Variants in GPC3 observed in about 807,000 individuals in gnomAD.
GPC3 encodes the protein glypican-3.
Under a neutral mutation model 34.4 loss-of-function variants are expected in GPC3, and 3 were observed. The observed-to-expected ratio is 0.09, with a 90% CI of 0.04 to 0.23. GPC3 has a LOEUF of 0.23. Ranked by LOEUF, GPC3 falls within the 10% of genes least tolerant of loss-of-function variation. The pLI, the probability that GPC3 is intolerant of heterozygous loss-of-function variation, is 1.00. For synonymous variants in GPC3, 177 were observed against 174.0 expected (o/e 1.02, Z -0.13); for missense variants, 351 against 445.6 (o/e 0.79, Z 1.91).
At chrX:133,656,028 T>A (rs1471271907) in intron 6 of GPC3, among the ~76,000 whole-genome samples, 1 of 112,359 alleles carries the variant, frequency 8.9e-6, no homozygotes, top group African/African-American at 3.2e-5. Flanking sequence ...CTAGATTTTT[T>A]AATTATCTTT....
rs138474604 is a variant in GPC3, at chrX:133,769,125, G to C, written c.338-14949C>G. ...GAGAACATTATGCTAAATGAAATAAGCTAGACACAGAAGGACAAATACTAC... is the reference window on the plus strand; with the variant it reads ...GAGAACATTATGCTAAATGAAATAACCTAGACACAGAAGGACAAATACTAC... On this transcript the variant is annotated intron_variant, in intron 2 of 7. Coordinates refer to ENST00000370818, the MANE Select transcript of GPC3 (RefSeq NM_004484.4). Among the ~76,000 whole-genome samples, 386 of 111,752 alleles carry C rather than the reference G, an allele frequency of 3.5e-3. 2 individuals are homozygous for C. Among genetic ancestry groups the C allele is most frequent in the African/African-American group, 0.012 (358 of 30,754 alleles).
intron 2 of GPC3, among the ~76,000 whole-genome samples, chrX:133,885,625 GCC>G (rs1292734173): frequency 9.0e-6 from 1 of 111,344 alleles, no homozygotes; most frequent in Non-Finnish European, 1.9e-5. Context: ...AGCCACAAAG[GCC>G]TTATATTTGA....
intron 2 of GPC3, among the ~76,000 whole-genome samples, chrX:133,919,884 G>T: frequency 9.2e-6 from 1 of 108,524 alleles, no homozygotes; most frequent in East Asian, 2.9e-4. Flanking sequence ...ATTCTGCCGG[G>T]TACAGTGGCT....
At chrX:133,868,649 G>C (rs936610608) in intron 2 of GPC3, among the ~76,000 whole-genome samples, 15 of 111,969 alleles carry the variant, frequency 1.3e-4, no homozygotes, top group African/African-American at 4.9e-4. Flanking sequence ...TAGAGCAAGG[G>C]AGGATGACTT....
intron 7 of GPC3, among the ~76,000 whole-genome samples, chrX:133,587,001 T>C (rs2069794790): frequency 9.0e-6 from 1 of 111,595 alleles, no homozygotes; most frequent in East Asian, 2.8e-4. Flanking sequence ...TGAAACTATA[T>C]ATTATTGTTA....
chrX:133,544,301 C>T (rs2069364797), intron 7 of GPC3, among the ~76,000 whole-genome samples: 2 of 111,694 alleles, frequency 1.8e-5, no homozygotes, highest in Admixed American at 1.9e-4. Flanking sequence ...TCAACTACCA[C>T]GCTGGACCTT....
At chrX:133,954,734 TTC>T (rs2076408637) in intron 1 of GPC3, among the ~76,000 whole-genome samples, 1 of 100,992 alleles carries the variant, frequency 9.9e-6, no homozygotes, top group Non-Finnish European at 2.0e-5. Flanking sequence ...TACTCAAACT[TTC>T]TCTTTTTTTT....
At chrX:133,591,447 C>T (rs2069846779) in intron 7 of GPC3, among the ~76,000 whole-genome samples, 1 of 111,521 alleles carries the variant, frequency 9.0e-6, no homozygotes, top group African/African-American at 3.3e-5. Flanking sequence ...AGTCTCCTCT[C>T]CATGAGAAGC....
intron 6 of GPC3, among the ~76,000 whole-genome samples, chrX:133,651,246 C>T (rs751265752): frequency 9.2e-6 from 1 of 108,873 alleles, no homozygotes; most frequent in Non-Finnish European, 1.9e-5. Context: ...TGCAGTGGCG[C>T]GATCTCGGCT....
chrX:133,864,740 GT>G (rs1458720037), intron 2 of GPC3, among the ~76,000 whole-genome samples: 1 of 112,711 alleles, frequency 8.9e-6, no homozygotes, highest in Non-Finnish European at 1.9e-5. Flanking sequence ...CTTTTTTGTT[GT>G]TGAAAACATT....
intron 3 of GPC3, among the ~76,000 whole-genome samples, chrX:133,737,877 G>A (rs1234038465): frequency 1.8e-5 from 2 of 111,528 alleles, no homozygotes; most frequent in Admixed American, 1.9e-4. Flanking sequence ...TTTGTGTTGT[G>A]GCAGCATGAG....
chrX:133,834,740 C>A (rs1301405542), intron 2 of GPC3, among the ~76,000 whole-genome samples: 1 of 111,977 alleles, frequency 8.9e-6, no homozygotes, highest in African/African-American at 3.2e-5. Context: ...ACACTCAACC[C>A]TTATGTAGAA....
intron 6 of GPC3, among the ~76,000 whole-genome samples, chrX:133,661,176 T>TACAAAACAAA (rs200602760): frequency 0.051 from 5,656 of 110,507 alleles, 385 homozygotes; most frequent in African/African-American, 0.18. Context: ...CTCAAAACAA[T>TACAAAACAAA]ACAAAACAAA....
chrX:133,807,800 G>A (rs933093008), intron 2 of GPC3, among the ~76,000 whole-genome samples: 3 of 112,451 alleles, frequency 2.7e-5, no homozygotes, highest in African/African-American at 6.5e-5. Flanking sequence ...CTCTACTGCC[G>A]TGATCCCCAA....
chrX:133,700,068 C>T, intron 3 of GPC3, 40 bp from the exon 4 acceptor site: 11 of 1,070,360 alleles, frequency 1.0e-5, no homozygotes, highest in Middle Eastern at 3.3e-4. Flanking sequence ...GATACTTGTG[C>T]AGATATGATA....
intron 7 of GPC3, among the ~76,000 whole-genome samples, chrX:133,549,610 C>CCTCT (rs60078616): frequency 0.29 from 28,392 of 99,438 alleles, 6,890 homozygotes; most frequent in African/African-American, 0.76. Context: ...CCTGGAATGG[C>CCTCT]CTCTCTCTCT....
intron 6 of GPC3, among the ~76,000 whole-genome samples, chrX:133,635,707 A>G (rs1462731357): frequency 9.1e-6 from 1 of 110,494 alleles, no homozygotes; most frequent in Non-Finnish European, 1.9e-5. Flanking sequence ...TGTTTCTTCT[A>G]CTTGCCAGAA....
At chrX:133,710,338 T>C (rs2071255630) in intron 3 of GPC3, among the ~76,000 whole-genome samples, 1 of 112,044 alleles carries the variant, frequency 8.9e-6, no homozygotes, top group Non-Finnish European at 1.9e-5. Flanking sequence ...TCATTTACTT[T>C]CCTTGAAACT....
rs765078863 is a variant in GPC3 at position 133,790,807 on chromosome X, TA to T, written c.338-36632del. On this transcript the variant is annotated intron_variant, in intron 2 of 7. Transcript: ENST00000370818. ...CCATCCAATCTCTGAACCATTATGT[TA>T]AAAAAAAAATGAGGACAGGCAGTTA... is the stretch of plus-strand genomic sequence containing the variant. Among the ~76,000 whole-genome samples the T allele has an allele frequency of 1.4e-3, 147 of 107,654 alleles. 2 individuals carry two copies. The highest frequency in any genetic ancestry group is 2.6e-3 in the Admixed American group (26 of 10,083). The allele number at this position is 107,654 out of a possible 115,157, so 93.5% of individuals were successfully genotyped here.
Sources: gnomAD v4.1 joint callset for allele counts (sites outside exome capture counted in the v4.1 genomes callset) on GRCh38, gnomAD v4.1.1 for gene constraint, MANE v1.5 for transcripts, NCBI Gene and HGNC (gene_info 2026-07-23, HGNC 2026-07-21) for gene names.